The following TARM1 variants were observed in gnomAD, a reference collection of about 807,000 sequenced individuals.
The protein encoded by TARM1 is T cell-interacting, activating receptor on myeloid cells 1.
In TARM1, 24 loss-of-function variants were observed where a neutral mutation model predicts 30.4. The ratio of observed to expected loss-of-function variants is 0.79; its 90% CI spans 0.57 to 1.11. The LOEUF is 1.11. TARM1 is among the 50% of genes least tolerant of loss of function. The probability of loss-of-function intolerance (pLI) is 0.00; values close to 1 mark genes in which losing one functional copy is unlikely to be tolerated. For synonymous variants in TARM1, 129 were observed against 138.9 expected, an observed-to-expected ratio of 0.93 and a Z score of 0.50; for missense variants, 323 against 332.8, an observed-to-expected ratio of 0.97 and a Z score of 0.23.
chr19:54,075,994 G>A (rs1432768477), intron 1 of TARM1, 76 bp from the exon 2 acceptor site: 11 of 1,519,718 alleles, frequency 7.2e-6, no homozygotes, highest in African/African-American at 6.9e-5. Flanking sequence ...CCTGGAGATC[G>A]TCCCAGAGTC....
intron 1 of TARM1, chr19:54,076,151 T>C: frequency 1.3e-6 from 2 of 1,484,930 alleles, no homozygotes; most frequent in South Asian, 1.3e-5. Context: ...CACCTCCCCC[T>C]GCTCCAGGCC....
At position 54,073,921 on chromosome 19, in the gene TARM1, T is replaced by G; in HGVS notation, c.657A>C (p.Thr219=). The part of the protein sequence containing the change: ...EPSDQLEILV[T]VPPGTTSSNY... ...CCTCAAAACCATACACGCCCTTACC[T>G]GTCACCAATATCTCAAGCTGATCAC... The change falls in exon 4 of 5, where the codon ACA becomes ACC. Residue 219 remains threonine, a splice_region_variant and synonymous_variant. Coordinates refer to ENST00000432826, the MANE Select transcript of TARM1 (RefSeq NM_001135686.3). 1.3e-6 allele frequency: 2 copies of G among 1,551,068 alleles called. No homozygotes were observed. The highest frequency in any genetic ancestry group is 1.7e-6 in the Non-Finnish European group (2 of 1,146,502).
At chr19:54,077,311 CAG>C (rs1275392826) in intron 1 of TARM1, among the ~76,000 whole-genome samples, 2 of 151,622 alleles carry the variant, frequency 1.3e-5, no homozygotes, top group African/African-American at 4.8e-5. Context: ...ACCCAGGAGG[CAG>C]AGTTTGCAAT....
At chr19:54,075,724 C>T (rs1167589893) in intron 2 of TARM1, among the ~76,000 whole-genome samples, 159 bp downstream of exon 2, 4 of 151,380 alleles carry the variant, frequency 2.6e-5, no homozygotes, top group Non-Finnish European at 5.9e-5. Context: ...GCCCAGGAGG[C>T]GGAGGTTGCT....
intron 1 of TARM1, among the ~76,000 whole-genome samples, chr19:54,080,082 A>C (rs2072062723): frequency 8.4e-6 from 1 of 119,022 alleles, no homozygotes; most frequent in African/African-American, 3.4e-5. Context: ...AATGAAGGAG[A>C]AAGAGAAAGA....
At chr19:54,072,352 AT>A (rs2071833357) in intron 4 of TARM1, among the ~76,000 whole-genome samples, 2 of 152,158 alleles carry the variant, frequency 1.3e-5, no homozygotes, top group African/African-American at 4.8e-5. Flanking sequence ...ATGAAAAATA[AT>A]TTACAGAGCT....
chr19:54,070,596 C>T (rs2071787810), intron 4 of TARM1, among the ~76,000 whole-genome samples: 1 of 151,458 alleles, frequency 6.6e-6, no homozygotes, highest in Non-Finnish European at 1.5e-5. Flanking sequence ...GTCCACTGTA[C>T]TTTAAAGTTT....
At chr19:54,073,842 A>G (rs919051374) in intron 4 of TARM1, 78 bp downstream of exon 4, 48 of 1,459,938 alleles carry the variant, frequency 3.3e-5, no homozygotes, top group Admixed American at 1.5e-4. Context: ...TAATGAAGAA[A>G]TGAGATTCAC....
At chr19:54,073,341 G>A (rs778260750) in intron 4 of TARM1, among the ~76,000 whole-genome samples, 2 of 140,296 alleles carry the variant, frequency 1.4e-5, no homozygotes, top group Non-Finnish European at 3.1e-5. Context: ...CCTGGAAGGT[G>A]GAGGTTGCAG....
intron 4 of TARM1, 144 bp from the exon 5 acceptor site, chr19:54,070,304 AC>A: frequency 1.5e-6 from 2 of 1,311,992 alleles, no homozygotes; most frequent in Non-Finnish European, 2.0e-6. Context: ...ACTCTTGTTG[AC>A]CAGGCTGGAG....
At chr19:54,074,783 C>A in intron 3 of TARM1, 41 bp downstream of exon 3, 2 of 1,535,158 alleles carry the variant, frequency 1.3e-6, no homozygotes, top group African/African-American at 1.4e-5. Flanking sequence ...CTCCCTCATC[C>A]CCTGTCCCCC....
chr19:54,071,639 G>A (rs587603088), intron 4 of TARM1, among the ~76,000 whole-genome samples: 9 of 151,674 alleles, frequency 5.9e-5, no homozygotes, highest in South Asian at 4.2e-4. Context: ...GCAACATGGC[G>A]AAACCCCATG....
Position 54,072,448 on chromosome 19 carries a change from G to GA in TARM1, c.658+1471dup, listed in dbSNP as rs2146207142. On this transcript the variant is annotated intron_variant, in intron 4 of 4. Coordinates refer to ENST00000432826, the MANE Select transcript of TARM1 (RefSeq NM_001135686.3). The stretch of plus-strand genomic sequence containing the variant: ...TAGCAGTCAATAAAAGACATGGGTA[G>GA]ACTTCGCATCCACGGCATAGAAGCA... Among the ~76,000 whole-genome samples, 2 of 152,254 alleles carry GA rather than the reference G, an allele frequency of 1.3e-5. 1 individual carries two copies. Among genetic ancestry groups the GA allele is most frequent in the South Asian group, 4.1e-4 (2 of 4,828 alleles).
chr19:54,077,498 A>G (rs2071986170), intron 1 of TARM1, among the ~76,000 whole-genome samples: 1 of 152,132 alleles, frequency 6.6e-6, no homozygotes, highest in South Asian at 2.1e-4. Flanking sequence ...TGTGTCTCTG[A>G]GAGATTTCCT....
At chr19:54,076,406 A>G (rs2071957248) in intron 1 of TARM1, 1 of 543,440 alleles carries the variant, frequency 1.8e-6, no homozygotes, top group Non-Finnish European at 3.1e-6. Context: ...TCTGTCGCCC[A>G]GGCTGGAGTA....
At chr19:54,078,289 G>T (rs12104366) in intron 1 of TARM1, among the ~76,000 whole-genome samples, 1 of 144,712 alleles carries the variant, frequency 6.9e-6, no homozygotes, top group Admixed American at 7.3e-5. Flanking sequence ...GGGCTCAGGT[G>T]ATCCTCCCAC....
rs1006210050 is a variant in TARM1, at chr19:54,072,762, A to G, written c.658+1158T>C. Reference sequence around the variant, plus strand: ...GAGGCCGAGGTGAGCGGATCACCTGAGGCCAGGGGTTCAAGACCAGCCTGG... The same window carrying G: ...GAGGCCGAGGTGAGCGGATCACCTGGGGCCAGGGGTTCAAGACCAGCCTGG... On this transcript the variant is annotated intron_variant, in intron 4 of 4. Transcript: ENST00000432826. Among the ~76,000 whole-genome samples the G allele has an allele frequency of 3.9e-5, 6 of 152,072 alleles. No individual in the cohort carries two copies. The East Asian group carries it at 5.8e-4, about 15-fold the overall frequency.
chr19:54,074,647 C>A (rs1236177166), intron 3 of TARM1, among the ~76,000 whole-genome samples, 177 bp downstream of exon 3: 5 of 152,178 alleles, frequency 3.3e-5, no homozygotes, highest in African/African-American at 9.7e-5. Flanking sequence ...GGCACCACTG[C>A]ACTCTGGCCT....
At chr19:54,080,116 G>GAAAGA (rs2072068828) in intron 1 of TARM1, among the ~76,000 whole-genome samples, 6 of 28,854 alleles carry the variant, frequency 2.1e-4, no homozygotes, top group East Asian at 1.7e-3. Flanking sequence ...AGGAAGGAAG[G>GAAAGA]AAGGAAGGAA....
Sources: gnomAD v4.1 joint callset for allele counts (sites outside exome capture counted in the v4.1 genomes callset) on GRCh38, gnomAD v4.1.1 for gene constraint, MANE v1.5 for transcripts, NCBI Gene and HGNC (gene_info 2026-07-23, HGNC 2026-07-21) for gene names.